The following NUP160 variants were observed in gnomAD, a reference collection of about 807,000 sequenced individuals.
NUP160 encodes nucleoporin 160.
NUP160 carries 94 observed loss-of-function variants against 196.9 expected under a neutral mutation model. The observed-to-expected ratio is 0.48, with a 90% CI of 0.40 to 0.57. NUP160 has a LOEUF of 0.57. Among genes scored for constraint, NUP160 ranks in the 20% least tolerant of loss-of-function variants. NUP160 has a pLI of 0.00. For missense variants in NUP160, 1,638 were observed against 1,748.3 expected, an observed-to-expected ratio of 0.94 and a Z score of 1.13; for synonymous variants, 605 against 619.7, an observed-to-expected ratio of 0.98 and a Z score of 0.35.
intron 27 of NUP160, chr11:47,796,108 G>A (rs1437736362): frequency 1.6e-5 from 4 of 250,480 alleles, no homozygotes; most frequent in Non-Finnish European, 3.0e-5. Flanking sequence ...GAGCAGACAC[G>A]GTGCCACTGC....
At chr11:47,840,522 G>A in exon 3 of NUP160, 1 of 1,614,026 alleles carries the variant, frequency 6.2e-7, no homozygotes, top group Admixed American at 1.7e-5. Context: ...TTAGGCGAAT[G>A]GCATTATTCA....
rs1051909695 is a variant in NUP160, at chr11:47,813,559, G to A, written c.1687-144C>T. 4 of 596,880 alleles carry A rather than the reference G, an allele frequency of 6.7e-6. No homozygotes were observed. The African/African-American group carries it at 7.4e-5, about 11-fold the overall frequency. The allele number at this position is 596,880 out of a possible 1,614,324, so 37.0% of individuals were successfully genotyped here. Reference sequence around the variant, plus strand: ...TAGGTGTAAGTCTTGGCTGGGCACAGTGGCTCACATCTGTGATCCCAGCAG... The same window carrying A: ...TAGGTGTAAGTCTTGGCTGGGCACAATGGCTCACATCTGTGATCCCAGCAG... On this transcript the variant is annotated intron_variant, in intron 13 of 35. Coordinates refer to ENST00000378460, the Ensembl canonical transcript of NUP160.
chr11:47,827,462 C>A (rs141357422), intron 7 of NUP160, among the ~76,000 whole-genome samples: 1 of 151,608 alleles, frequency 6.6e-6, no homozygotes. Flanking sequence ...ACACTGGTAA[C>A]TTCTCCCTTA....
intron 7 of NUP160, among the ~76,000 whole-genome samples, chr11:47,824,407 C>T (rs1166860326): frequency 6.6e-6 from 1 of 151,594 alleles, no homozygotes; most frequent in Non-Finnish European, 1.5e-5. Flanking sequence ...AGATCGAGAC[C>T]ATCCTGACTA....
intron 9 of NUP160, 128 bp downstream of exon 9, chr11:47,821,596 G>A: frequency 1.5e-6 from 1 of 671,828 alleles, no homozygotes; most frequent in Non-Finnish European, 2.6e-6. Context: ...CTGAGCTTAA[G>A]TGATTTGCCT....
intron 27 of NUP160, among the ~76,000 whole-genome samples, chr11:47,793,438 A>G (rs963400007): frequency 4.0e-5 from 6 of 151,876 alleles, no homozygotes; most frequent in Admixed American, 3.9e-4. Flanking sequence ...ACCCTTTTGT[A>G]CTGTTGCTGG....
intron 10 of NUP160, among the ~76,000 whole-genome samples, chr11:47,818,956 G>A (rs1851797889): frequency 6.6e-6 from 1 of 152,088 alleles, no homozygotes; most frequent in Non-Finnish European, 1.5e-5. Flanking sequence ...AATCTTTAAT[G>A]TCATTGTAAT....
At position 47,837,058 on chromosome 11, in the gene NUP160, A is replaced by C. The variant is rs1852191209; in HGVS notation, c.828-57T>G. 3 of 954,048 alleles carry C rather than the reference A, an allele frequency of 3.1e-6. No individual in the cohort carries two copies. In the South Asian group the frequency reaches 4.3e-5, roughly 14 times the overall value. The allele number at this position is 954,048 out of a possible 1,614,324, so 59.1% of individuals were successfully genotyped here. On this transcript the variant is annotated intron_variant, in intron 5 of 35. Transcript: ENST00000378460. ...CTGCTGCAAAGAATCTGATCATTAG[A>C]ATTTGCAATTCAAGAAATATAATAA...
chr11:47,839,789 C>T (rs1192580147), intron 4 of NUP160, 54 bp downstream of exon 4: 1 of 1,422,370 alleles, frequency 7.0e-7, no homozygotes, highest in Non-Finnish European at 9.9e-7. Context: ...TGAACTGTTT[C>T]AATGTTAACA....
intron 6 of NUP160, 99 bp from the exon 7 acceptor site, chr11:47,835,908 T>C: frequency 8.7e-6 from 8 of 924,058 alleles, no homozygotes; most frequent in Non-Finnish European, 1.3e-5. Context: ...TCTACTGCTC[T>C]ATCTAGTTTA....
intron 7 of NUP160, among the ~76,000 whole-genome samples, chr11:47,834,221 A>G (rs1191769006): frequency 1.3e-5 from 2 of 152,220 alleles, no homozygotes; most frequent in Non-Finnish European, 2.9e-5. Context: ...CCCGAGACCA[A>G]AAGTTTGAGA....
At chr11:47,827,059 T>C (rs185204718) in intron 7 of NUP160, 1 of 455,972 alleles carries the variant, frequency 2.2e-6, no homozygotes, top group African/African-American at 2.0e-5. Flanking sequence ...CTCAACACAA[T>C]ATAAAGGGCA....
chr11:47,808,232 G>T (rs1402203539), intron 18 of NUP160, among the ~76,000 whole-genome samples, 164 bp downstream of exon 18: 1 of 152,204 alleles, frequency 6.6e-6, no homozygotes, highest in Non-Finnish European at 1.5e-5. Context: ...AGTGAGCCGA[G>T]ATCATGCCAT....
chr11:47,779,670 ATGT>A, intron 35 of NUP160: 1 of 470,700 alleles, frequency 2.1e-6, no homozygotes, highest in Non-Finnish European at 4.2e-6. Flanking sequence ...CTCCTGAGAA[ATGT>A]TGTTATATAT....
intron 7 of NUP160, among the ~76,000 whole-genome samples, chr11:47,828,673 C>T (rs1852021537): frequency 6.6e-6 from 1 of 152,108 alleles, no homozygotes; most frequent in Non-Finnish European, 1.5e-5. Flanking sequence ...GCTCACACTT[C>T]CTGGTGTCAA....
exon 24 of NUP160, chr11:47,798,394 C>T: frequency 6.2e-7 from 1 of 1,611,176 alleles, no homozygotes; most frequent in Non-Finnish European, 8.5e-7. Flanking sequence ...TCACCTGCTT[C>T]AGTTATGGCT....
At chr11:47,787,721 C>A (rs978674128) in intron 31 of NUP160, among the ~76,000 whole-genome samples, 10 of 144,894 alleles carry the variant, frequency 6.9e-5, no homozygotes, top group Non-Finnish European at 1.4e-4. Context: ...CCAAGAAATT[C>A]TTCTTCTTTT....
At chr11:47,793,812 C>T (rs1277162095) in intron 27 of NUP160, among the ~76,000 whole-genome samples, 1 of 131,516 alleles carries the variant, frequency 7.6e-6, no homozygotes, top group Non-Finnish European at 1.5e-5. Flanking sequence ...GCGGTCTCAG[C>T]TCATTGCAAT....
At chr11:47,837,242 C>T (rs1852195146) in intron 5 of NUP160, among the ~76,000 whole-genome samples, 1 of 152,070 alleles carries the variant, frequency 6.6e-6, no homozygotes, top group African/African-American at 2.4e-5. Flanking sequence ...TTTCCTGTAA[C>T]CATCAAAAAC....
Sources: allele counts gnomAD v4.1 joint callset (sites outside exome capture counted in the v4.1 genomes callset), GRCh38; gene constraint gnomAD v4.1.1; transcripts MANE v1.5; gene names NCBI Gene and HGNC (gene_info 2026-07-23, HGNC 2026-07-21).